Variants in QTMAN observed in about 807,000 individuals in gnomAD.
QTMAN encodes tRNA-queuosine alpha-mannosyltransferase.
At chr2:144,258,264 G>C in the QTMAN span, among the ~76,000 whole-genome samples, 8 of 147,344 alleles carry the variant, frequency 5.4e-5, no homozygotes, top group South Asian at 6.4e-4. Context: ...AAATGAAAGA[G>C]GAAAAAAAAG....
At chr2:143,997,615 T>C in the QTMAN span, among the ~76,000 whole-genome samples, 1 of 152,094 alleles carries the variant, frequency 6.6e-6, no homozygotes, top group Non-Finnish European at 1.5e-5. Flanking sequence ...CCCTTCTTAA[T>C]TTTAATACCC....
the QTMAN span, chr2:143,970,815 GA>G: frequency 2.0e-6 from 2 of 1,015,620 alleles, no homozygotes; most frequent in African/African-American, 3.2e-5. Flanking sequence ...CATGTGTTAG[GA>G]AAAGTGGTTT....
chr2:144,175,722 G>A, the QTMAN span, among the ~76,000 whole-genome samples: 1 of 152,078 alleles, frequency 6.6e-6, no homozygotes, highest in Non-Finnish European at 1.5e-5. Flanking sequence ...GGAGTGCAGT[G>A]GCAGTGATCT....
At chr2:144,038,470 G>A in the QTMAN span, among the ~76,000 whole-genome samples, 2 of 152,212 alleles carry the variant, frequency 1.3e-5, no homozygotes, top group South Asian at 4.1e-4. Context: ...ATCTTCAAAA[G>A]ACATGAGAAC....
the QTMAN span, among the ~76,000 whole-genome samples, chr2:144,166,972 T>C: frequency 6.6e-6 from 1 of 152,150 alleles, no homozygotes; most frequent in Non-Finnish European, 1.5e-5. Context: ...AAACTCATAG[T>C]ACCAAAAAAC....
At chr2:144,296,564 C>A in the QTMAN span, among the ~76,000 whole-genome samples, 1 of 152,110 alleles carries the variant, frequency 6.6e-6, no homozygotes. Context: ...AGCTAATACA[C>A]AAAGTATTTC....
chr2:144,272,196 G>C, the QTMAN span, among the ~76,000 whole-genome samples: 1 of 151,696 alleles, frequency 6.6e-6, no homozygotes, highest in South Asian at 2.1e-4. Flanking sequence ...TCACAATAGG[G>C]GGAAAAAAAC....
the QTMAN span, among the ~76,000 whole-genome samples, chr2:144,206,065 A>G: frequency 1.3e-5 from 2 of 152,244 alleles, no homozygotes; most frequent in African/African-American, 4.8e-5. Context: ...ATTAGGCTGA[A>G]GCATTTATTC....
the QTMAN span, among the ~76,000 whole-genome samples, chr2:144,241,341 T>C: frequency 6.6e-6 from 1 of 152,212 alleles, no homozygotes; most frequent in Non-Finnish European, 1.5e-5. Flanking sequence ...TTACTAGCTA[T>C]ATGACCCTTG....
chr2:144,234,555 GA>G, the QTMAN span, among the ~76,000 whole-genome samples: 5 of 152,196 alleles, frequency 3.3e-5, no homozygotes, highest in South Asian at 8.3e-4. Flanking sequence ...AATCAGAAGG[GA>G]AAAAAGTTGT....
At chr2:144,269,575 C>T in the QTMAN span, among the ~76,000 whole-genome samples, 1 of 151,926 alleles carries the variant, frequency 6.6e-6, no homozygotes, top group African/African-American at 2.4e-5. Context: ...GTCAAAGATA[C>T]CAATTATAAC....
chr2:144,208,546 T>G, the QTMAN span: 2 of 1,414,170 alleles, frequency 1.4e-6, no homozygotes, highest in Non-Finnish European at 2.0e-6. Context: ...AGAAGCAACA[T>G]CCTCATAACA....
At chr2:144,224,019 A>T in the QTMAN span, among the ~76,000 whole-genome samples, 5 of 152,200 alleles carry the variant, frequency 3.3e-5, no homozygotes, top group Non-Finnish European at 5.9e-5. Flanking sequence ...AATACTCAAA[A>T]TATTCTATTT....
the QTMAN span, among the ~76,000 whole-genome samples, chr2:144,105,020 A>T: frequency 1.3e-5 from 2 of 152,216 alleles, no homozygotes; most frequent in African/African-American, 4.8e-5. Context: ...CCTCCAGCAA[A>T]CTCCAACCGA....
the QTMAN span, among the ~76,000 whole-genome samples, chr2:144,203,002 C>A: frequency 7.2e-5 from 11 of 152,104 alleles, no homozygotes; most frequent in Non-Finnish European, 1.6e-4. Flanking sequence ...AACTCCATAA[C>A]AAGAAAACTT....
At chr2:144,325,065 T>C in the QTMAN span, among the ~76,000 whole-genome samples, 2 of 152,324 alleles carry the variant, frequency 1.3e-5, no homozygotes, top group South Asian at 2.1e-4. Context: ...CCCCAACCCT[T>C]TGTTTCTATT....
At chr2:144,271,619 C>T in the QTMAN span, among the ~76,000 whole-genome samples, 1 of 152,130 alleles carries the variant, frequency 6.6e-6, no homozygotes, top group Non-Finnish European at 1.5e-5. Context: ...TAACCTAAGG[C>T]TGAAGGTAGT....
At chr2:144,329,354 GCATAA>G in the QTMAN span, among the ~76,000 whole-genome samples, 1 of 151,854 alleles carries the variant, frequency 6.6e-6, no homozygotes, top group African/African-American at 2.4e-5. Context: ...CCAACAAGAA[GCATAA>G]CATATCAAAT....
chr2:144,110,301 G>A, the QTMAN span, among the ~76,000 whole-genome samples: 13 of 152,028 alleles, frequency 8.6e-5, no homozygotes, highest in Admixed American at 2.0e-4. Context: ...ACAAAAAACC[G>A]AACACCGCAT....
Sources: allele counts gnomAD v4.1 joint callset (sites outside exome capture counted in the v4.1 genomes callset), GRCh38; gene constraint gnomAD v4.1.1; transcripts MANE v1.5; gene names NCBI Gene and HGNC (gene_info 2026-07-23, HGNC 2026-07-21).